MTRFR: variants seen among roughly 807,000 people sequenced by gnomAD.
MTRFR encodes mitochondrial translation release factor in rescue.
Under a neutral mutation model 11.9 loss-of-function variants are expected in MTRFR, and 10 were observed. That is an observed-to-expected ratio of 0.84 (90% CI 0.52 to 1.42). The LOEUF is 1.42. Among genes scored for constraint, MTRFR ranks in the 40% most tolerant of loss-of-function variants. The pLI is 0.00. For synonymous variants in MTRFR, 77 were observed against 79.1 expected, an observed-to-expected ratio of 0.97 and a Z score of 0.14; for missense variants, 196 against 197.9, an observed-to-expected ratio of 0.99 and a Z score of 0.06.
At chr12:123,248,590 G>C (rs1279263542) in intron 1 of MTRFR, 1 of 152,460 alleles carries the variant, frequency 6.6e-6, no homozygotes, top group East Asian at 1.9e-4. Flanking sequence ...GCTGACTTCA[G>C]GAGTGAACCT....
Position 123,257,949 on chromosome 12 carries a change from T to C in MTRFR, c.*918T>C, listed in dbSNP as rs553298635. 1 of 152,290 alleles carries C rather than the reference T, an allele frequency of 6.6e-6. No homozygotes were observed. Among genetic ancestry groups the C allele is most frequent in the East Asian group, 1.9e-4 (1 of 5,188 alleles). The allele number at this position is 152,290 out of a possible 1,614,324, so 9.4% of individuals were successfully genotyped here. On this transcript the variant is annotated 3_prime_UTR_variant, in exon 3 of 3. Coordinates refer to ENST00000253233, the MANE Select transcript of MTRFR (RefSeq NM_152269.5). ...TTGTAATTAGTAAAGTCAATTTTTA[T>C]GGAGAACTGGAGAATGGAGTCAAAC...
intron 1 of MTRFR, among the ~76,000 whole-genome samples, chr12:123,252,936 T>C (rs754350842): frequency 6.6e-6 from 1 of 152,208 alleles, no homozygotes; most frequent in Non-Finnish European, 1.5e-5. Flanking sequence ...AAAAATAAAA[T>C]AGACTCTCAT....
intron 2 of MTRFR, among the ~76,000 whole-genome samples, chr12:123,255,568 C>T (rs776771885): frequency 6.6e-6 from 1 of 151,964 alleles, no homozygotes; most frequent in African/African-American, 2.4e-5. Flanking sequence ...GCAATCCTCC[C>T]GCCTCGGCCT....
intron 1 of MTRFR, chr12:123,240,664 G>C (rs536692081): frequency 2.7e-5 from 4 of 149,378 alleles, no homozygotes; most frequent in South Asian, 2.1e-4. Context: ...CCAGAAGGCA[G>C]GTCCAGAGAT....
rs544105176 is a variant in MTRFR, at chr12:123,244,930, A to ATTTTTTTTTTTTTTT, written c.-28-8701_-28-8687dup. Among the ~76,000 whole-genome samples, 3 of 65,098 alleles carry ATTTTTTTTTTTTTTT rather than the reference A, an allele frequency of 4.6e-5. 1 individual carries two copies. The highest frequency in any genetic ancestry group is 3.7e-4 in the Admixed American group (2 of 5,430). 42.7% of individuals were successfully genotyped at this position (65,098 alleles called of 152,430 possible). Reference sequence around the variant, plus strand: ...ACAGGTATGAGCCACCGCACCCGGCATTTTTTTTTTTTTTTTTTTTTTTTT... The same window carrying ATTTTTTTTTTTTTTT: ...ACAGGTATGAGCCACCGCACCCGGCATTTTTTTTTTTTTTTTTTTTTTTTTTTTTTTTTTTTTTTT... On this transcript the variant is annotated intron_variant, in intron 1 of 2. Coordinates refer to ENST00000253233, the MANE Select transcript of MTRFR (RefSeq NM_152269.5).
In MTRFR at chr12:123,257,268, A is replaced by G. The variant is rs894328045; in HGVS notation, c.*237A>G. The G allele has an allele frequency of 2.1e-6, 1 of 466,896 alleles. No homozygotes were observed. Among genetic ancestry groups the G allele is most frequent in the Non-Finnish European group, 3.9e-6 (1 of 259,150 alleles). The allele number at this position is 466,896 out of a possible 1,614,324, so 28.9% of individuals were successfully genotyped here. A position where few individuals can be genotyped will look rare whatever the true frequency, so the allele number is the denominator to read the frequency against. ...GGTGCCTCACATCTGTAATCCCAGC[A>G]CTTTGGGAGGCCGAGGCGGGCGGAT... is the stretch of plus-strand genomic sequence containing the variant. On this transcript the variant is annotated 3_prime_UTR_variant, in exon 3 of 3. Coordinates refer to ENST00000253233, the MANE Select transcript of MTRFR (RefSeq NM_152269.5).
At chr12:123,254,263 C>T (rs1229997819) in intron 2 of MTRFR, 2 of 372,950 alleles carry the variant, frequency 5.4e-6, no homozygotes, top group African/African-American at 4.1e-5. Flanking sequence ...CCGGAAGCAA[C>T]GTCTTGACAA....
At chr12:123,235,531 A>T (rs979821006) in intron 1 of MTRFR, among the ~76,000 whole-genome samples, 5 of 141,312 alleles carry the variant, frequency 3.5e-5, no homozygotes, top group Non-Finnish European at 4.7e-5. Flanking sequence ...GGCCCAGCTA[A>T]TTTTTTTTTT....
At chr12:123,236,057 C>T (rs998811174) in intron 1 of MTRFR, among the ~76,000 whole-genome samples, 1 of 150,912 alleles carries the variant, frequency 6.6e-6, no homozygotes, top group Non-Finnish European at 1.5e-5. Context: ...GAGTGAGACT[C>T]GTCTCAAAAA....
intron 1 of MTRFR, among the ~76,000 whole-genome samples, chr12:123,253,145 A>G (rs868786897): frequency 2.6e-5 from 3 of 113,490 alleles, no homozygotes; most frequent in African/African-American, 1.0e-4. Flanking sequence ...GCTGGAGTGC[A>G]GTGGCTCTGC....
chr12:123,256,253 T>C (rs1047262191), intron 2 of MTRFR, among the ~76,000 whole-genome samples: 7 of 152,214 alleles, frequency 4.6e-5, no homozygotes, highest in African/African-American at 1.7e-4. Context: ...ATACATCAGT[T>C]GATACTTTCA....
intron 1 of MTRFR, among the ~76,000 whole-genome samples, chr12:123,244,497 A>T (rs1021975230): frequency 6.6e-6 from 1 of 152,224 alleles, no homozygotes; most frequent in East Asian, 1.9e-4. Flanking sequence ...TCTACTAAGT[A>T]ATCTTCAATA....
In MTRFR at chr12:123,253,715, C is replaced by T; in HGVS notation, c.41C>T (p.Thr14Ile). 1 of 1,614,182 alleles carries T rather than the reference C, an allele frequency of 6.2e-7. No individual in the cohort carries two copies. Among genetic ancestry groups the T allele is most frequent in the Non-Finnish European group, 8.5e-7 (1 of 1,180,036 alleles). Residue 14 changes from threonine (T) to isoleucine (I), a missense_variant, in exon 2 of 3, where the codon ACC becomes ATC. Physicochemically the swap from Thr to Ile is moderately conservative, Grantham distance 89 (BLOSUM62 -1). Transcript: ENST00000253233. Reference protein sequence around the residue: ...VGLFHFPTPLTRICPAPWGLR... With the variant: ...VGLFHFPTPLIRICPAPWGLR... ...TTATTTCATTTTCCTACACCACTGA[C>T]CCGAATATGCCCGGCGCCATGGGGA...
chr12:123,248,203 T>C (rs2048068219), intron 1 of MTRFR: 1 of 150,178 alleles, frequency 6.7e-6, no homozygotes, highest in Non-Finnish European at 1.5e-5. Flanking sequence ...TGAAAACAAC[T>C]ATCTTTTCTT....
chr12:123,256,679 A>G, intron 2 of MTRFR, 134 bp from the exon 3 acceptor site: 3 of 757,818 alleles, frequency 4.0e-6, no homozygotes, highest in Non-Finnish European at 4.4e-6. Context: ...CTGGATGACA[A>G]GAACGAAACT....
intron 1 of MTRFR, among the ~76,000 whole-genome samples, chr12:123,242,021 C>T (rs1309692481): frequency 6.6e-6 from 1 of 152,170 alleles, no homozygotes; most frequent in Non-Finnish European, 1.5e-5. Context: ...TTGTGCTTGT[C>T]TTCATTTCTC....
At chr12:123,241,638 C>G (rs920389558) in intron 1 of MTRFR, among the ~76,000 whole-genome samples, 1 of 152,028 alleles carries the variant, frequency 6.6e-6, no homozygotes, top group African/African-American at 2.4e-5. Context: ...CCATGCCCAG[C>G]CTATTTTGTT....
At chr12:123,251,094 A>G (rs2048106117) in intron 1 of MTRFR, 1 of 152,000 alleles carries the variant, frequency 6.6e-6, no homozygotes, top group African/African-American at 2.4e-5. Context: ...CTGCTGAGTC[A>G]TGCAGGTTGT....
intron 1 of MTRFR, 36 bp from the exon 2 acceptor site, chr12:123,253,611 C>T (rs2048142160): frequency 1.2e-6 from 2 of 1,600,322 alleles, no homozygotes; most frequent in South Asian, 2.2e-5. Context: ...GGGCAGATGC[C>T]TCTTACTGAA....
Sources: allele counts gnomAD v4.1 joint callset (sites outside exome capture counted in the v4.1 genomes callset), GRCh38; gene constraint gnomAD v4.1.1; transcripts MANE v1.5; gene names NCBI Gene and HGNC (gene_info 2026-07-23, HGNC 2026-07-21).